The following ZNF622 variants were observed in gnomAD, a reference collection of about 807,000 sequenced individuals.
ZNF622 encodes the protein zinc finger protein 622.
In ZNF622, 34 loss-of-function variants were observed where a neutral mutation model predicts 49.7. That is an observed-to-expected ratio of 0.68 (90% CI 0.52 to 0.91). The LOEUF is 0.91. Among genes scored for constraint, ZNF622 ranks in the 40% least tolerant of loss-of-function variants. The probability of loss-of-function intolerance (pLI) is 0.00; values close to 1 mark genes in which losing one functional copy is unlikely to be tolerated. For synonymous variants in ZNF622, 209 were observed against 228.7 expected (o/e 0.91, Z 0.78); for missense variants, 569 against 616.4 (o/e 0.92, Z 0.81).
intron 5 of ZNF622, among the ~76,000 whole-genome samples, chr5:16,452,791 T>C (rs1365566719): frequency 1.3e-5 from 2 of 152,328 alleles, no homozygotes; most frequent in South Asian, 2.1e-4. Context: ...AAGTTAATGG[T>C]ATATAAAATC....
At chr5:16,464,905 G>A (rs955631884) in intron 1 of ZNF622, 136 bp downstream of exon 1, 75 of 1,314,664 alleles carry the variant, frequency 5.7e-5, no homozygotes, top group African/African-American at 8.8e-5. Flanking sequence ...TTCAGAAAGC[G>A]TCTAAACCAC....
chr5:16,455,390 A>G (rs1040047908), intron 4 of ZNF622, among the ~76,000 whole-genome samples: 7 of 152,240 alleles, frequency 4.6e-5, no homozygotes, highest in African/African-American at 1.4e-4. Flanking sequence ...TGCTTGATAC[A>G]CAGATATGGA....
intron 1 of ZNF622, 146 bp downstream of exon 1, chr5:16,464,894 CT>C: frequency 1.6e-6 from 2 of 1,217,052 alleles, no homozygotes; most frequent in Non-Finnish European, 2.3e-6. Context: ...AGATAAGGCA[CT>C]TCAGAAAGCG....
chr5:16,458,390 T>C (rs1738067238), intron 4 of ZNF622, 127 bp downstream of exon 4: 1 of 678,826 alleles, frequency 1.5e-6, no homozygotes. Context: ...ACACCGTACA[T>C]GAGAACCCAA....
intron 5 of ZNF622, 112 bp from the exon 6 acceptor site, chr5:16,451,896 G>T: frequency 7.3e-7 from 1 of 1,371,494 alleles, no homozygotes; most frequent in Non-Finnish European, 9.9e-7. Context: ...CTAGGTTCTT[G>T]TATTTAAAAC....
chr5:16,456,648 G>A (rs1738030659), intron 4 of ZNF622, among the ~76,000 whole-genome samples: 2 of 152,142 alleles, frequency 1.3e-5, no homozygotes, highest in African/African-American at 4.8e-5. Flanking sequence ...ACACCCAGAG[G>A]AAGAGAACTG....
chr5:16,457,850 TA>T (rs1284233256), intron 4 of ZNF622, among the ~76,000 whole-genome samples: 1 of 152,236 alleles, frequency 6.6e-6, no homozygotes, highest in Non-Finnish European at 1.5e-5. Context: ...CGTTGGCCTA[TA>T]AAGACAAATA....
intron 4 of ZNF622, among the ~76,000 whole-genome samples, chr5:16,458,156 A>C (rs1486351306): frequency 6.6e-6 from 1 of 152,192 alleles, no homozygotes; most frequent in African/African-American, 2.4e-5. Flanking sequence ...AACAGGAATC[A>C]GTTCAAAGAA....
chr5:16,465,119 AC>A lies in ZNF622; in HGVS notation c.546del (p.Trp182CysfsTer83). 6.2e-7 allele frequency: 1 copy of A among 1,613,126 alleles called. No homozygotes were observed. ...DPSEKPPRLQ[W>X]FEQQAKKLAK... ...GCCAACTTCTTCGCCTGCTGTTCAA[AC>A]CACTGGAGCCGGGGTGGTTTCTCAC... On this transcript the variant is annotated frameshift_variant, in exon 1 of 6. Coordinates refer to ENST00000308683, the MANE Select transcript of ZNF622 (RefSeq NM_033414.3). LOFTEE classifies it high-confidence loss of function. The surrounding 1 kb of genome is among the most constrained non-coding windows in gnomAD (Gnocchi z 6.2).
intron 4 of ZNF622, among the ~76,000 whole-genome samples, chr5:16,457,482 A>C (rs1348236609): frequency 6.6e-6 from 1 of 152,184 alleles, no homozygotes; most frequent in Non-Finnish European, 1.5e-5. Flanking sequence ...TTGCATTATA[A>C]CCTTCTTATC....
chr5:16,463,270 C>T lies in ZNF622; in HGVS notation c.887G>A (p.Gly296Glu). The T allele has an allele frequency of 6.3e-7, 1 of 1,588,732 alleles. No individual in the cohort carries two copies. The highest frequency in any genetic ancestry group is 8.5e-7 in the Non-Finnish European group (1 of 1,173,746). Residue 296 changes from glycine to glutamate, a missense_variant and splice_region_variant, in exon 3 of 6, where the codon GGA becomes GAA. Transcript: ENST00000308683. The surrounding 1 kb of genome is among the most constrained non-coding windows in gnomAD (Gnocchi z 4.2). ...AATCTTGCCAACACCAACTTTCTCT[C>T]CTAGAAAAATAATTTAAGGAAAAAA... Reference protein sequence around the residue: ...SDIKGLIKYLGEKVGVGKICL... With the variant: ...SDIKGLIKYLEEKVGVGKICL...
intron 3 of ZNF622, among the ~76,000 whole-genome samples, chr5:16,460,389 A>C (rs937955853): frequency 6.6e-6 from 1 of 152,198 alleles, no homozygotes; most frequent in African/African-American, 2.4e-5. Context: ...ATAAGTAAAC[A>C]AGTTACCTTG....
chr5:16,452,911 G>A (rs1185967551), intron 5 of ZNF622, 102 bp downstream of exon 5: 2 of 1,241,656 alleles, frequency 1.6e-6, no homozygotes, highest in African/African-American at 1.5e-5. Flanking sequence ...GTTTCCCCTA[G>A]AGAGAATCCA....
chr5:16,455,398 G>A (rs1273197926), intron 4 of ZNF622, among the ~76,000 whole-genome samples: 4 of 152,194 alleles, frequency 2.6e-5, no homozygotes, highest in South Asian at 2.1e-4. Context: ...ACACAGATAT[G>A]GAAAAGTAGT....
intron 4 of ZNF622, among the ~76,000 whole-genome samples, chr5:16,455,153 A>G (rs1738006306): frequency 6.6e-6 from 1 of 152,242 alleles, no homozygotes; most frequent in South Asian, 2.1e-4. Context: ...TGAATAAAGG[A>G]TAGTTGGCTA....
At chr5:16,452,977 T>C (rs1737958561) in intron 5 of ZNF622, 36 bp downstream of exon 5, 2 of 1,380,308 alleles carry the variant, frequency 1.4e-6, no homozygotes, top group Non-Finnish European at 1.9e-6. Flanking sequence ...AAATACAAGT[T>C]CTCAGACTGG....
chr5:16,456,548 A>G (rs1483231293), intron 4 of ZNF622, among the ~76,000 whole-genome samples: 1 of 152,206 alleles, frequency 6.6e-6, no homozygotes, highest in Non-Finnish European at 1.5e-5. Flanking sequence ...TGGACAGAAG[A>G]TGAGTTCAGG....
intron 3 of ZNF622, among the ~76,000 whole-genome samples, chr5:16,462,151 G>T (rs939261132): frequency 6.6e-6 from 1 of 152,122 alleles, no homozygotes; most frequent in Non-Finnish European, 1.5e-5. Flanking sequence ...CCAACTGCAA[G>T]TCTCCAGCTG....
In ZNF622 at chr5:16,463,511, G is replaced by A. The variant is rs1738156446; in HGVS notation, c.857C>T (p.Ser286Leu). 2 of 1,611,946 alleles carry A rather than the reference G, an allele frequency of 1.2e-6. No homozygotes were observed. The highest frequency in any genetic ancestry group is 1.3e-5 in the African/African-American group (1 of 74,870). Reference protein sequence around the residue: ...SFFIPDIEYLSDIKGLIKYLG... With the variant: ...SFFIPDIEYLLDIKGLIKYLG... ...GTATTTAATCAGTCCCTTAATATCT[G>A]AAAGATATTCTATATCAGGAATAAA... The change falls in exon 2 of 6, where the codon TCA (serine) becomes TTA (leucine). Residue 286 changes from serine (S) to leucine (L), a missense_variant. Transcript: ENST00000308683. This position sits in a 1 kb window ranked among gnomAD's most constrained non-coding sequence, Gnocchi z 4.2.
Sources: allele counts gnomAD v4.1 joint callset (sites outside exome capture counted in the v4.1 genomes callset), GRCh38; gene constraint gnomAD v4.1.1; non-coding constraint Gnocchi (gnomAD v3.1); transcripts MANE v1.5; gene names NCBI Gene and HGNC (gene_info 2026-07-23, HGNC 2026-07-21).